The following ITGB4 variants were observed in gnomAD, a reference collection of about 807,000 sequenced individuals.
The protein encoded by ITGB4 is integrin subunit beta 4, also known as integrin beta-4.
In ITGB4, 159 loss-of-function variants were observed where a neutral mutation model predicts 207.6. The observed-to-expected ratio is 0.77, with a 90% CI of 0.67 to 0.87. The LOEUF is 0.87. Ranked by LOEUF, ITGB4 falls within the 40% of genes least tolerant of loss-of-function variation. The pLI is 0.00. For missense variants in ITGB4, 2,278 were observed against 2,546.8 expected (o/e 0.89, Z 2.27); for synonymous variants, 1,020 against 1,062.7 (o/e 0.96, Z 0.78).
chr17:75,752,490 G>T lies in ITGB4; in HGVS notation c.4021G>T (p.Glu1341Ter). 6.2e-7 allele frequency: 1 copy of T among 1,613,688 alleles called. No individual in the cohort carries two copies. The highest frequency in any genetic ancestry group is 8.5e-7 in the Non-Finnish European group (1 of 1,180,026). The change falls in exon 32 of 40, where the codon GAG becomes TAG. Residue 1341 changes from glutamate to a stop codon, truncating the protein, a stop_gained. Coordinates refer to ENST00000200181, the MANE Select transcript of ITGB4 (RefSeq NM_000213.5). LOFTEE classifies it high-confidence loss of function. Reference protein sequence around the residue: ...DIPIVDAQSGEDYDSFLMYSD... With the variant: ...DIPIVDAQSG ...CCCTATCGTGGACGCCCAGAGCGGGGAGGACTACGACAGCTTCCTTATGTA... is the reference window on the plus strand; with the variant it reads ...CCCTATCGTGGACGCCCAGAGCGGGTAGGACTACGACAGCTTCCTTATGTA...
rs763215637 is a variant in ITGB4, at chr17:75,743,847, G to A, written c.3097G>A (p.Ala1033Thr). ...CTCCTACCGCACACAGGATGGCACC[G>A]CGCAGGGCAACCGGGTGAGGCTGCG... ...QVSYRTQDGT[A>T]QGNRDYIPVE... The change falls in exon 26 of 40, where the codon GCG (alanine) becomes ACG (threonine). Residue 1033 changes from alanine (A) to threonine (T), a missense_variant. Coordinates refer to ENST00000200181, the MANE Select transcript of ITGB4 (RefSeq NM_000213.5). 9 of 1,594,744 alleles carry A rather than the reference G, an allele frequency of 5.6e-6. No individual in the cohort carries two copies. Among genetic ancestry groups the A allele is most frequent in the South Asian group, 3.4e-5 (3 of 88,948 alleles).
intron 26 of ITGB4, among the ~76,000 whole-genome samples, chr17:75,744,572 G>C (rs896423584): frequency 6.6e-6 from 1 of 152,090 alleles, no homozygotes; most frequent in Non-Finnish European, 1.5e-5. Flanking sequence ...TCTTGAGCTG[G>C]GATCGAAGAC....
chr17:75,753,317 C>T (rs904079997), intron 32 of ITGB4, among the ~76,000 whole-genome samples: 1 of 152,150 alleles, frequency 6.6e-6, no homozygotes, highest in African/African-American at 2.4e-5. Flanking sequence ...ACTCTGGAAC[C>T]CCAGCTCAGC....
chr17:75,736,451 A>G (rs1256132933), intron 15 of ITGB4, 65 bp downstream of exon 15: 10 of 1,609,758 alleles, frequency 6.2e-6, no homozygotes, highest in Non-Finnish European at 8.5e-7. Flanking sequence ...TGTGGGCAGG[A>G]GGGGCTAAGC....
Position 75,748,849 on chromosome 17 carries a change from C to T in ITGB4, c.3120C>T (p.Ile1040=). ...DGTAQGNRDY[I]PVEGELLFQP... Reference sequence around the variant, plus strand: ...ACCCCCTCCACTCCCAGGACTACATCCCCGTGGAGGGTGAGCTGCTGTTCC... The same window carrying T: ...ACCCCCTCCACTCCCAGGACTACATTCCCGTGGAGGGTGAGCTGCTGTTCC... Residue 1040 remains isoleucine, a synonymous_variant, in exon 27 of 40, where the codon ATC becomes ATT. Coordinates refer to ENST00000200181, the MANE Select transcript of ITGB4 (RefSeq NM_000213.5). 1 of 1,609,706 alleles carries T rather than the reference C, an allele frequency of 6.2e-7. No homozygotes were observed. The highest frequency in any genetic ancestry group is 8.5e-7 in the Non-Finnish European group (1 of 1,178,468).
Position 75,722,037 on chromosome 17 carries a change from C to G in ITGB4, c.-11+425C>G, listed in dbSNP as rs756395017. 2.6e-5 allele frequency among the ~76,000 whole-genome samples: 4 copies of G among 152,222 alleles called. No individual in the cohort carries two copies. Among genetic ancestry groups the G allele is most frequent in the Non-Finnish European group, 5.9e-5 (4 of 68,038 alleles). The stretch of plus-strand genomic sequence containing the variant: ...AATTTCGTTCTTTCTAACATTGGCT[C>G]CTACTTTTAAAAGCCACCCTGAGAG... On this transcript the variant is annotated intron_variant, in intron 1 of 39. Transcript: ENST00000200181. The surrounding 1 kb of genome is among the most constrained non-coding windows in gnomAD (Gnocchi z 6.2).
rs996208165 is a variant in ITGB4, at chr17:75,731,556, G to A, written c.1215+188G>A. Among the ~76,000 whole-genome samples, 3 of 152,270 alleles carry A rather than the reference G, an allele frequency of 2.0e-5. No homozygotes were observed. The highest frequency in any genetic ancestry group is 7.2e-5 in the African/African-American group (3 of 41,564). Reference sequence around the variant, plus strand: ...TTGTTGGTTTCCTCGGCATGCAAGCGTCGAGCCCGGAGGCTTGCTGGGGCA... The same window carrying A: ...TTGTTGGTTTCCTCGGCATGCAAGCATCGAGCCCGGAGGCTTGCTGGGGCA... On this transcript the variant is annotated intron_variant, in intron 10 of 39. Transcript: ENST00000200181. The surrounding 1 kb of genome is among the most constrained non-coding windows in gnomAD (Gnocchi z 6.8).
At position 75,750,582 on chromosome 17, in the gene ITGB4, T is replaced by C; in HGVS notation, c.3475-98T>C. 1 of 1,114,492 alleles carries C rather than the reference T, an allele frequency of 9.0e-7. No individual in the cohort carries two copies. The highest frequency in any genetic ancestry group is 1.3e-6 in the Non-Finnish European group (1 of 750,948). The allele number at this position is 1,114,492 out of a possible 1,614,324, so 69.0% of individuals were successfully genotyped here. ...CTCAGCCCCTCCCTCGGGCCTCATCTGTGCAAAGAGGACAGTAAGGGCAGA... is the reference window on the plus strand; with the variant it reads ...CTCAGCCCCTCCCTCGGGCCTCATCCGTGCAAAGAGGACAGTAAGGGCAGA... On this transcript the variant is annotated intron_variant, in intron 28 of 39. Transcript: ENST00000200181. This position sits in a 1 kb window ranked among gnomAD's most constrained non-coding sequence, Gnocchi z 5.5.
In ITGB4 at chr17:75,753,816, G is replaced by A. The variant is rs775826078; in HGVS notation, c.4160G>A (p.Arg1387His). The A allele has an allele frequency of 2.0e-6, 3 of 1,464,246 alleles. No homozygotes were observed. In the Admixed American group the frequency reaches 6.5e-5, roughly 32 times the overall value. The allele number at this position is 1,464,246 out of a possible 1,614,324, so 90.7% of individuals were successfully genotyped here. ...CTGGGGGAGGAGCTGGACCTGCGGC[G>A]CGTCACGTGGCGGCTGCCCCCGGAG... ...PLLGEELDLRRVTWRLPPELI... is the reference protein window; with the variant it reads ...PLLGEELDLRHVTWRLPPELI... The change falls in exon 33 of 40, where the codon CGC (arginine) becomes CAC (histidine). Residue 1387 changes from arginine (R) to histidine (H), a missense_variant. Transcript: ENST00000200181.
chr17:75,755,165 G>A, intron 34 of ITGB4: 1 of 1,611,522 alleles, frequency 6.2e-7, no homozygotes, highest in Non-Finnish European at 8.5e-7. Context: ...GGGCCCACGA[G>A]ACTCTATAAT....
chr17:75,723,939 G>C (rs2060666192), intron 1 of ITGB4, among the ~76,000 whole-genome samples: 1 of 152,276 alleles, frequency 6.6e-6, no homozygotes, highest in East Asian at 1.9e-4. Flanking sequence ...AGGCCGCTGA[G>C]GACTTAGGAT....
At chr17:75,743,564 C>T (rs2061165187) in intron 25 of ITGB4, 149 bp from the exon 26 acceptor site, 3 of 1,032,070 alleles carry the variant, frequency 2.9e-6, no homozygotes, top group African/African-American at 3.2e-5. Context: ...TTTTCCGTTT[C>T]GCTCCTGTGC....
At position 75,727,651 on chromosome 17, in the gene ITGB4, G is replaced by A; in HGVS notation, c.265G>A (p.Glu89Lys). The A allele has an allele frequency of 6.2e-7, 1 of 1,603,340 alleles. No homozygotes were observed. Among genetic ancestry groups the A allele is most frequent in the South Asian group, 1.1e-5 (1 of 89,854 alleles). ...AGCTGTCCCCTTCCACTGGCTGCAG[G>A]AGACCCAGATTGACACCACCCTGCG... ...VMESSFQITE[E>K]TQIDTTLRRS... Residue 89 changes from glutamate to lysine, a missense_variant and splice_region_variant, in exon 5 of 40, where the codon GAG (glutamate) becomes AAG (lysine). By Grantham distance (56) the Glu-to-Lys change is moderately conservative. Coordinates refer to ENST00000200181, the MANE Select transcript of ITGB4 (RefSeq NM_000213.5). The surrounding 1 kb of genome is among the most constrained non-coding windows in gnomAD (Gnocchi z 6.0).
Position 75,742,779 on chromosome 17 carries a change from G to C in ITGB4, c.2962+18G>C, listed in dbSNP as rs75139442. The C allele has an allele frequency of 2.8e-4, 445 of 1,601,086 alleles. No individual in the cohort carries two copies. The East Asian group carries it at 8.5e-3, about 31-fold the overall frequency. ...GGAGCAAGGTGGGTCTGGGTGGGGA[G>C]AGTGGGGAAGGCAGACGGGGGCTCG... On this transcript the variant is annotated intron_variant, in intron 25 of 39. Coordinates refer to ENST00000200181, the MANE Select transcript of ITGB4 (RefSeq NM_000213.5). The surrounding 1 kb of genome is among the most constrained non-coding windows in gnomAD (Gnocchi z 5.9).
Position 75,727,322 on chromosome 17 carries a change from A to G in ITGB4, c.162+45A>G, listed in dbSNP as rs757739484. 2 of 1,612,738 alleles carry G rather than the reference A, an allele frequency of 1.2e-6. No individual in the cohort carries two copies. The highest frequency in any genetic ancestry group is 2.2e-5 in the South Asian group (2 of 90,948). ...TGGTGTGGAACAGGCAAGGGTCGGG[A>G]ATAGCTGGTGGAAATGAATCTAGGG... On this transcript the variant is annotated intron_variant, in intron 3 of 39. Coordinates refer to ENST00000200181, the MANE Select transcript of ITGB4 (RefSeq NM_000213.5). This position sits in a 1 kb window ranked among gnomAD's most constrained non-coding sequence, Gnocchi z 6.0.
At chr17:75,736,227 A>G in intron 14 of ITGB4, 61 bp from the exon 15 acceptor site, 1 of 1,598,094 alleles carries the variant, frequency 6.3e-7, no homozygotes, top group Non-Finnish European at 8.6e-7. Flanking sequence ...CTATGGAGAG[A>G]GGAGAGGGAG....
chr17:75,733,674 TC>T lies in ITGB4; in HGVS notation c.1641del (p.Phe549SerfsTer220). On this transcript the variant is annotated frameshift_variant, in exon 13 of 40. Coordinates refer to ENST00000200181, the MANE Select transcript of ITGB4 (RefSeq NM_000213.5). LOFTEE classifies it high-confidence loss of function. ...EYDNFQCPRT[S>X]GFLCNDRGRC... is the part of the protein sequence containing the mutation. ...TGACAACTTCCAGTGTCCCCGCACTTCCGGGTTCCTCTGCAATGGTGAGCAC... is the reference window on the plus strand; with the variant it reads ...TGACAACTTCCAGTGTCCCCGCACTTCGGGTTCCTCTGCAATGGTGAGCAC... 1 of 1,614,084 alleles carries T rather than the reference TC, an allele frequency of 6.2e-7. No individual in the cohort carries two copies. The highest frequency in any genetic ancestry group is 8.5e-7 in the Non-Finnish European group (1 of 1,180,020).
Position 75,737,391 on chromosome 17 carries a change from A to T in ITGB4, c.2060A>T (p.Glu687Val). The change falls in exon 17 of 40, where the codon GAA (glutamate) becomes GTA (valine). Residue 687 changes from glutamate (E) to valine (V), a missense_variant. Glu to Val is a moderately radical substitution (Grantham distance 121). Coordinates refer to ENST00000200181, the MANE Select transcript of ITGB4 (RefSeq NM_000213.5). The part of the protein sequence containing the change: ...DDDCTYSYTM[E>V]GDGAPGPNST... Reference sequence around the variant, plus strand: ...GACTGCACCTACAGCTACACCATGGAAGGTGACGGCGCCCCTGGGCCCAAC... The same window carrying T: ...GACTGCACCTACAGCTACACCATGGTAGGTGACGGCGCCCCTGGGCCCAAC... 1 of 1,571,470 alleles carries T rather than the reference A, an allele frequency of 6.4e-7. No homozygotes were observed. The highest frequency in any genetic ancestry group is 8.6e-7 in the Non-Finnish European group (1 of 1,158,518).
intron 8 of ITGB4, 78 bp downstream of exon 8, chr17:75,730,582 C>A: frequency 7.2e-6 from 8 of 1,116,934 alleles, no homozygotes; most frequent in Non-Finnish European, 1.0e-5. Context: ...CTCTCCCTCC[C>A]TCCCTCCCTC....
Sources: gnomAD v4.1 joint callset for allele counts (sites outside exome capture counted in the v4.1 genomes callset) on GRCh38, gnomAD v4.1.1 for gene constraint, Gnocchi (gnomAD v3.1) non-coding constraint, MANE v1.5 for transcripts, NCBI Gene and HGNC (gene_info 2026-07-23, HGNC 2026-07-21) for gene names.